Variants in SLC25A42 observed in about 807,000 individuals in gnomAD.
SLC25A42 encodes the protein solute carrier family 25 member 42, also known as mitochondrial coenzyme A transporter SLC25A42.
In SLC25A42, 19 loss-of-function variants were observed where a neutral mutation model predicts 34.7. The observed-to-expected ratio is 0.55, with a 90% confidence interval of 0.38 to 0.80. The LOEUF is 0.80. SLC25A42 is among the 30% of genes least tolerant of loss of function. The pLI is 0.00. For synonymous variants in SLC25A42, 205 were observed against 191.2 expected, an observed-to-expected ratio of 1.07 and a Z score of -0.59; for missense variants, 364 against 441.3, an observed-to-expected ratio of 0.82 and a Z score of 1.57.
chr19:19,108,162 TG>T (rs2059844162), intron 7 of SLC25A42, 117 bp downstream of exon 7: 1 of 1,190,878 alleles, frequency 8.4e-7, no homozygotes, highest in Non-Finnish European at 1.1e-6. Context: ...GACCCCTGGG[TG>T]GGGCAGGCTG....
chr19:19,075,444 C>G (rs914559805), intron 1 of SLC25A42, among the ~76,000 whole-genome samples: 1 of 152,242 alleles, frequency 6.6e-6, no homozygotes, highest in Admixed American at 6.5e-5. Context: ...GCTGGCCCCC[C>G]TCTGCCTGGC....
chr19:19,112,572 G>A lies in SLC25A42; in HGVS notation c.*1696G>A, dbSNP rs1169688885. 1.3e-5 allele frequency: 2 copies of A among 152,380 alleles called. No individual in the cohort carries two copies. The highest frequency in any genetic ancestry group is 2.9e-5 in the Non-Finnish European group (2 of 68,110). The allele number at this position is 152,380 out of a possible 1,614,324, so 9.4% of individuals were successfully genotyped here. ...CCCAGGTGGGTGAGACCAAATGAGT[G>A]GATTTGGGGCCACAGGCTAGGCAGG... On this transcript the variant is annotated 3_prime_UTR_variant, in exon 8 of 8. Coordinates refer to ENST00000318596, the MANE Select transcript of SLC25A42 (RefSeq NM_178526.5). The surrounding 1 kb of genome is among the most constrained non-coding windows in gnomAD (Gnocchi z 4.3).
intron 1 of SLC25A42, among the ~76,000 whole-genome samples, chr19:19,082,006 A>G (rs1271959453): frequency 1.3e-5 from 2 of 152,086 alleles, no homozygotes; most frequent in Admixed American, 1.3e-4. Context: ...GACCACTCCC[A>G]CTAGGGCTGG....
At chr19:19,085,441 C>T (rs1042709939) in intron 1 of SLC25A42, among the ~76,000 whole-genome samples, 1 of 151,528 alleles carries the variant, frequency 6.6e-6, no homozygotes. Context: ...GAGTGCAGTG[C>T]CGCGATCTCA....
chr19:19,105,357 G>A (rs2059820278), intron 4 of SLC25A42: 4 of 634,922 alleles, frequency 6.3e-6, no homozygotes, highest in Non-Finnish European at 7.9e-6. Flanking sequence ...GAAAACATAG[G>A]GAGGAAGGAC....
intron 4 of SLC25A42, chr19:19,105,288 G>A: frequency 1.7e-6 from 1 of 574,066 alleles, no homozygotes; most frequent in Non-Finnish European, 3.1e-6. Context: ...GCTCCGAGCT[G>A]CTTTGCAGCC....
At chr19:19,108,070 A>T (rs1295702659) in intron 7 of SLC25A42, 25 bp downstream of exon 7, 1 of 1,533,200 alleles carries the variant, frequency 6.5e-7, no homozygotes, top group South Asian at 1.3e-5. Flanking sequence ...GAGCATGAGG[A>T]GGGGACGTTC....
chr19:19,070,711 G>T (rs149277767), intron 1 of SLC25A42, among the ~76,000 whole-genome samples: 3 of 152,308 alleles, frequency 2.0e-5, no homozygotes, highest in African/African-American at 4.8e-5. Context: ...TTCCAAAGAA[G>T]GCCATGTTCT....
chr19:19,076,491 T>C (rs954874586), intron 1 of SLC25A42, among the ~76,000 whole-genome samples: 6 of 151,300 alleles, frequency 4.0e-5, no homozygotes, highest in Non-Finnish European at 8.9e-5. Flanking sequence ...ACAAAACAGG[T>C]GTTCTCCACA....
intron 3 of SLC25A42, among the ~76,000 whole-genome samples, chr19:19,104,322 G>A (rs7248183): frequency 0.016 from 2,436 of 152,256 alleles, 59 homozygotes; most frequent in African/African-American, 0.055. Flanking sequence ...GCACACACAA[G>A]TGGTGGGTGG....
intron 5 of SLC25A42, 106 bp downstream of exon 5, chr19:19,105,833 C>T (rs1568524229): frequency 3.0e-6 from 3 of 1,007,906 alleles, no homozygotes; most frequent in Non-Finnish European, 4.3e-6. Context: ...GCCCCTAGCC[C>T]TGCCTTCCCT....
intron 1 of SLC25A42, among the ~76,000 whole-genome samples, chr19:19,066,293 G>A (rs1426868913): frequency 6.6e-6 from 1 of 152,184 alleles, no homozygotes; most frequent in Non-Finnish European, 1.5e-5. Flanking sequence ...TTCTTCCAGA[G>A]GTAGTCTATG....
At chr19:19,065,016 C>G (rs1200452565) in intron 1 of SLC25A42, among the ~76,000 whole-genome samples, 4 of 152,222 alleles carry the variant, frequency 2.6e-5, no homozygotes, top group Admixed American at 1.3e-4. Context: ...GAGGCAGAGC[C>G]TATTCTACCC....
At chr19:19,084,812 G>T (rs1224803388) in intron 1 of SLC25A42, among the ~76,000 whole-genome samples, 1 of 152,088 alleles carries the variant, frequency 6.6e-6, no homozygotes, top group Non-Finnish European at 1.5e-5. Flanking sequence ...GGGCACATGG[G>T]CAGGGCAAGG....
intron 1 of SLC25A42, among the ~76,000 whole-genome samples, chr19:19,066,517 C>T (rs2059603587): frequency 1.3e-5 from 2 of 149,754 alleles, no homozygotes; most frequent in African/African-American, 2.5e-5. Flanking sequence ...GGCGCGATCT[C>T]GGCTCACTGC....
chr19:19,086,957 A>G (rs1411491691), intron 1 of SLC25A42, among the ~76,000 whole-genome samples: 4 of 151,862 alleles, frequency 2.6e-5, no homozygotes, highest in African/African-American at 7.3e-5. Flanking sequence ...CATCCCATAT[A>G]GTTACCATGT....
In SLC25A42 at chr19:19,110,926, C is replaced by G; in HGVS notation, c.*50C>G. ...GGTGGACCGGTGACCCCTTTGTATT[C>G]TGGGCCCATGGAACGGTGGGGGGGT... On this transcript the variant is annotated 3_prime_UTR_variant, in exon 8 of 8. Coordinates refer to ENST00000318596, the MANE Select transcript of SLC25A42 (RefSeq NM_178526.5). 1 of 1,598,232 alleles carries G rather than the reference C, an allele frequency of 6.3e-7. No homozygotes were observed. Among genetic ancestry groups the G allele is most frequent in the South Asian group, 1.1e-5 (1 of 90,064 alleles).
rs527908476 is a variant in SLC25A42, at chr19:19,085,587, C to T, written c.-34-10504C>T. On this transcript the variant is annotated intron_variant, in intron 1 of 7. Coordinates refer to ENST00000318596, the MANE Select transcript of SLC25A42 (RefSeq NM_178526.5). ...GTAGAAATGGGCTTTCGCCATTTTG[C>T]TCAGGCTGGTCTTGAACTTCAGGTG... Among the ~76,000 whole-genome samples, 17 of 152,168 alleles carry T rather than the reference C, an allele frequency of 1.1e-4. No homozygotes were observed. The South Asian group carries it at 1.7e-3, about 15-fold the overall frequency.
intron 1 of SLC25A42, among the ~76,000 whole-genome samples, chr19:19,091,389 T>G (rs1210502207): frequency 6.6e-6 from 1 of 151,804 alleles, no homozygotes; most frequent in African/African-American, 2.4e-5. Context: ...ACCCGAGAGG[T>G]GGAGGTTGCA....
Sources: allele counts gnomAD v4.1 joint callset (sites outside exome capture counted in the v4.1 genomes callset), GRCh38; gene constraint gnomAD v4.1.1; non-coding constraint Gnocchi (gnomAD v3.1); transcripts MANE v1.5; gene names NCBI Gene and HGNC (gene_info 2026-07-23, HGNC 2026-07-21).